Variants in USH2A observed in about 807,000 individuals in gnomAD.
The protein encoded by USH2A is Usher syndrome 2A (autosomal recessive, mild).
USH2A carries 443 observed loss-of-function variants against 538.9 expected under a neutral mutation model. The ratio of observed to expected loss-of-function variants is 0.82; its 90% CI spans 0.76 to 0.89. The LOEUF (loss-of-function observed/expected upper bound fraction) is 0.89, where lower values mean the gene tolerates loss of function less well. Ranked by LOEUF, USH2A falls within the 40% of genes least tolerant of loss-of-function variation. The pLI is 0.00. For missense variants in USH2A, 6,633 were observed against 6,324.8 expected, an observed-to-expected ratio of 1.05 and a Z score of -1.65; for synonymous variants, 2,413 against 2,273.5, an observed-to-expected ratio of 1.06 and a Z score of -1.75.
chr1:216,064,912 G>T (rs1379618690), intron 30 of USH2A, among the ~76,000 whole-genome samples: 2 of 152,092 alleles, frequency 1.3e-5, no homozygotes, highest in African/African-American at 4.8e-5. Context: ...ATGCATGACT[G>T]TACCTAAAGC....
At chr1:215,776,664 T>G (rs1469128176) in intron 55 of USH2A, among the ~76,000 whole-genome samples, 1 of 152,088 alleles carries the variant, frequency 6.6e-6, no homozygotes, top group African/African-American at 2.4e-5. Context: ...AATCAAAACA[T>G]TTATCCTAGG....
intron 32 of USH2A, among the ~76,000 whole-genome samples, chr1:216,024,665 C>T (rs1668921727): frequency 6.6e-6 from 1 of 151,938 alleles, no homozygotes; most frequent in Non-Finnish European, 1.5e-5. Context: ...GTCATTCCTT[C>T]ATTTATTAAT....
At chr1:216,086,668 G>T (rs745948367) in intron 24 of USH2A, 51 bp downstream of exon 24, 5 of 1,326,354 alleles carry the variant, frequency 3.8e-6, no homozygotes, top group Non-Finnish European at 5.4e-6. Flanking sequence ...ATGTAAACAG[G>T]TTCTATTCTA....
intron 40 of USH2A, among the ~76,000 whole-genome samples, chr1:215,893,524 T>A (rs1283036691): frequency 2.6e-5 from 4 of 152,196 alleles, no homozygotes; most frequent in Non-Finnish European, 5.9e-5. Flanking sequence ...CATTTCTGGA[T>A]AATGAGAGGA....
intron 21 of USH2A, among the ~76,000 whole-genome samples, chr1:216,137,112 AG>A (rs1305334862): frequency 6.6e-6 from 1 of 152,232 alleles, no homozygotes; most frequent in African/African-American, 2.4e-5. Context: ...ACTGACTCAA[AG>A]GTACAACTCA....
chr1:216,057,616 G>A (rs962265498), intron 30 of USH2A, among the ~76,000 whole-genome samples: 19 of 152,192 alleles, frequency 1.2e-4, no homozygotes, highest in South Asian at 6.2e-4. Flanking sequence ...GAACCCGGGC[G>A]GCGCAGGTTG....
At position 216,190,279 on chromosome 1, in the gene USH2A, CAG is replaced by C. The variant is rs111033367; in HGVS notation, c.4338_4339del (p.Cys1447GlnfsTer29). 28 of 1,612,430 alleles carry C rather than the reference CAG, an allele frequency of 1.7e-5. No homozygotes were observed. Among genetic ancestry groups the C allele is most frequent in the Non-Finnish European group, 2.3e-5 (27 of 1,179,134 alleles). ...ACTGGTCACACAACCAACTGAATTG[CAG>C]AGAGTAATAGTAAACTCATATATCC... On this transcript the variant is annotated frameshift_variant, in exon 20 of 72. Coordinates refer to ENST00000307340, the MANE Select transcript of USH2A (RefSeq NM_206933.4). LOFTEE classifies it high-confidence loss of function.
intron 4 of USH2A, among the ~76,000 whole-genome samples, chr1:216,351,844 A>C (rs1001461290): frequency 2.0e-5 from 3 of 152,122 alleles, no homozygotes; most frequent in African/African-American, 7.2e-5. Context: ...CAAAACAAAA[A>C]AAAAAATGTT....
chr1:215,847,301 GA>G (rs1209318350), intron 44 of USH2A, among the ~76,000 whole-genome samples: 1 of 152,134 alleles, frequency 6.6e-6, no homozygotes, highest in Non-Finnish European at 1.5e-5. Context: ...AGTTTGTTAG[GA>G]TGGGGGTGGA....
At chr1:215,629,437 T>G (rs973799050) in intron 70 of USH2A, among the ~76,000 whole-genome samples, 4 of 152,212 alleles carry the variant, frequency 2.6e-5, no homozygotes, top group African/African-American at 9.6e-5. Context: ...GCCTCCCTCT[T>G]GAGAACACTC....
chr1:215,942,237 C>T (rs1037015373), intron 37 of USH2A, among the ~76,000 whole-genome samples: 3 of 152,160 alleles, frequency 2.0e-5, no homozygotes, highest in Admixed American at 6.6e-5. Flanking sequence ...CGTTCACCCT[C>T]ATTTCTTCCC....
intron 9 of USH2A, among the ~76,000 whole-genome samples, chr1:216,306,399 T>C (rs1201356198): frequency 6.6e-6 from 1 of 152,162 alleles, no homozygotes; most frequent in Admixed American, 6.5e-5. Flanking sequence ...TATCTGGAGA[T>C]TTTTCTGTTC....
In USH2A at chr1:216,198,595, TA is replaced by T; in HGVS notation, c.3812-12del. 1 of 1,609,528 alleles carries T rather than the reference TA, an allele frequency of 6.2e-7. No individual in the cohort carries two copies. ...ATCTTATAATTATTCCTAGAGAAAT[TA>T]AATAGTGAACCTACGTAACTCATCA... On this transcript the variant is annotated splice_polypyrimidine_tract_variant and intron_variant, in intron 17 of 71. Transcript: ENST00000307340.
At chr1:215,995,872 T>C (rs1460220009) in intron 34 of USH2A, among the ~76,000 whole-genome samples, 1 of 152,196 alleles carries the variant, frequency 6.6e-6, no homozygotes, top group Non-Finnish European at 1.5e-5. Context: ...TCAATTATTT[T>C]TGAAATCATG....
intron 43 of USH2A, 135 bp from the exon 44 acceptor site, chr1:215,867,305 C>T (rs1664501028): frequency 1.0e-6 from 1 of 958,876 alleles, no homozygotes; most frequent in Non-Finnish European, 1.5e-6. Context: ...CTTTTCCTCC[C>T]TAGAAAATAC....
chr1:216,123,423 G>A (rs1237486485), intron 21 of USH2A, among the ~76,000 whole-genome samples: 1 of 152,106 alleles, frequency 6.6e-6, no homozygotes, highest in East Asian at 1.9e-4. Flanking sequence ...ACATATGTTC[G>A]GGTAAACCTA....
intron 13 of USH2A, among the ~76,000 whole-genome samples, chr1:216,241,630 G>T (rs1348187040): frequency 6.6e-6 from 1 of 151,990 alleles, no homozygotes; most frequent in Non-Finnish European, 1.5e-5. Flanking sequence ...TGCCTCCCAG[G>T]TTCAAGCGAT....
intron 21 of USH2A, among the ~76,000 whole-genome samples, chr1:216,171,982 G>A (rs1191164039): frequency 6.6e-6 from 1 of 151,952 alleles, no homozygotes; most frequent in South Asian, 2.1e-4. Flanking sequence ...AGAAAAGGAA[G>A]CAAAAATAGG....
intron 59 of USH2A, among the ~76,000 whole-genome samples, chr1:215,742,572 C>T (rs1660336765): frequency 1.3e-5 from 2 of 151,918 alleles, no homozygotes; most frequent in Non-Finnish European, 2.9e-5. Flanking sequence ...CCTGTTCTCC[C>T]CTCCTAAATC....
Sources: gnomAD v4.1 joint callset for allele counts (sites outside exome capture counted in the v4.1 genomes callset) on GRCh38, gnomAD v4.1.1 for gene constraint, MANE v1.5 for transcripts, NCBI Gene and HGNC (gene_info 2026-07-23, HGNC 2026-07-21) for gene names.